The following TSPAN9 variants were observed in gnomAD, a reference collection of about 807,000 sequenced individuals.
TSPAN9 encodes the protein tetraspanin 9, also known as tetraspanin-9.
Under a neutral mutation model 31.0 loss-of-function variants are expected in TSPAN9, and 16 were observed. That is an observed-to-expected ratio of 0.52 (90% CI 0.35 to 0.78). TSPAN9 has a LOEUF of 0.78. Among genes scored for constraint, TSPAN9 ranks in the 30% least tolerant of loss-of-function variants. The pLI is 0.01. For missense variants in TSPAN9, 272 were observed against 312.5 expected, an observed-to-expected ratio of 0.87 and a Z score of 0.98; for synonymous variants, 145 against 121.6, an observed-to-expected ratio of 1.19 and a Z score of -1.27.
At chr12:3,274,301 C>T (rs1418689463) in intron 3 of TSPAN9, among the ~76,000 whole-genome samples, 4 of 152,308 alleles carry the variant, frequency 2.6e-5, no homozygotes, top group East Asian at 3.9e-4. Context: ...GCTAAGACTG[C>T]GCCAGAGGGA....
rs996417858 is a variant in TSPAN9, at chr12:3,078,844, A to G, written c.-85+1391A>G. On this transcript the variant is annotated intron_variant, in intron 1 of 8. Transcript: ENST00000011898. ...TATTCTGGCAGAGCTTTTTAAACCT[A>G]TGAACAGATATTTAATATTAATAAC... 2.0e-4 allele frequency among the ~76,000 whole-genome samples: 30 copies of G among 151,942 alleles called. 1 individual carries two copies. Among genetic ancestry groups the G allele is most frequent in the Admixed American group, 1.3e-4 (2 of 15,230 alleles).
intron 2 of TSPAN9, among the ~76,000 whole-genome samples, chr12:3,134,284 G>C (rs28375006): frequency 0.2 from 30,277 of 152,162 alleles, 3,272 homozygotes; most frequent in African/African-American, 0.28. Flanking sequence ...TCTCCTCTCC[G>C]AAGATGAGAG....
rs146011102 is a variant in TSPAN9 at position 3,281,778 on chromosome 12, C to T, written c.609C>T (p.His203=). Residue 203 remains histidine, a synonymous_variant, in exon 8 of 9, where the codon CAC becomes CAT. Transcript: ENST00000011898. The stretch of plus-strand genomic sequence containing the variant: ...AGATGTGGTTCGATGACAATAAGCA[C>T]GTGCTGGGCACGGTGGGGATGTGCA... ...KVKMWFDDNK[H]VLGTVGMCIL... 1.4e-4 allele frequency: 219 copies of T among 1,614,044 alleles called. No homozygotes were observed. In the African/African-American group the frequency reaches 1.5e-3, roughly 11 times the overall value.
In TSPAN9 at chr12:3,226,736, GTGTGTGTGTATATATATATA is replaced by G. The variant is rs1565622376; in HGVS notation, c.63+25482_63+25501del. On this transcript the variant is annotated intron_variant, in intron 3 of 8. Transcript: ENST00000011898. Reference sequence around the variant, plus strand: ...TGTATGTATGTGTGTGTGTGTGTGTGTGTGTGTGTATATATATATATATATATATATATATATATATATAT... The same window carrying G: ...TGTATGTATGTGTGTGTGTGTGTGTGTATATATATATATATATATATATAT... Among the ~76,000 whole-genome samples, 8 of 11,088 alleles carry G rather than the reference GTGTGTGTGTATATATATATA, an allele frequency of 7.2e-4. 1 individual carries two copies. In the East Asian group the frequency reaches 0.012, roughly 16 times the overall value. The allele number at this position is 11,088 out of a possible 152,430, so 7.3% of individuals were successfully genotyped here.
Position 3,209,983 on chromosome 12 carries a change from AAAATT to A in TSPAN9, c.63+8729_63+8733del, listed in dbSNP as rs1361777563. Among the ~76,000 whole-genome samples, 374 of 95,044 alleles carry A rather than the reference AAAATT, an allele frequency of 3.9e-3. 61 individuals carry two copies. The East Asian group carries it at 0.048, about 12-fold the overall frequency. 62.4% of individuals were successfully genotyped at this position (95,044 alleles called of 152,430 possible). A position where few individuals can be genotyped will look rare whatever the true frequency, so the allele number is the denominator to read the frequency against. ...CAAAAAAAAAAAAAAAAAAAAAAAA[AAAATT>A]AGCCGGGTGTGGTGGCGGGTGCCTG... is the stretch of plus-strand genomic sequence containing the variant. On this transcript the variant is annotated intron_variant, in intron 3 of 8. Transcript: ENST00000011898.
chr12:3,213,040 A>G (rs2098379551), intron 3 of TSPAN9, among the ~76,000 whole-genome samples: 1 of 152,152 alleles, frequency 6.6e-6, no homozygotes. Context: ...GGCTAATGCA[A>G]AGGGTGTCAA....
chr12:3,240,504 G>A (rs7306233), intron 3 of TSPAN9, among the ~76,000 whole-genome samples: 1 of 152,326 alleles, frequency 6.6e-6, no homozygotes. Flanking sequence ...GCTCAGAAGG[G>A]TCTGGTGACG....
intron 3 of TSPAN9, 148 bp downstream of exon 3, chr12:3,201,404 C>T (rs1013534707): frequency 1.9e-5 from 13 of 678,868 alleles, no homozygotes; most frequent in Non-Finnish European, 2.5e-5. Flanking sequence ...GCCCCCGCCC[C>T]CCTTTCATGC....
chr12:3,190,967 G>A (rs1001508332), intron 2 of TSPAN9, among the ~76,000 whole-genome samples: 3 of 152,206 alleles, frequency 2.0e-5, no homozygotes, highest in Non-Finnish European at 2.9e-5. Context: ...GAAGGTCAGG[G>A]AACAGGTGGC....
chr12:3,192,372 C>T lies in TSPAN9; in HGVS notation c.-17-8805C>T, dbSNP rs1016998796. Among the ~76,000 whole-genome samples, 11 of 152,012 alleles carry T rather than the reference C, an allele frequency of 7.2e-5. No individual in the cohort carries two copies. Among genetic ancestry groups the T allele is most frequent in the African/African-American group, 1.2e-4 (5 of 41,456 alleles). ...GCAGGGGCTGCCGCAGGACCCCAGGCGAGCCATGAAGCAGGGCTGGACAAG... is the reference window on the plus strand; with the variant it reads ...GCAGGGGCTGCCGCAGGACCCCAGGTGAGCCATGAAGCAGGGCTGGACAAG... On this transcript the variant is annotated intron_variant, in intron 2 of 8. Coordinates refer to ENST00000011898, the MANE Select transcript of TSPAN9 (RefSeq NM_006675.5). The surrounding 1 kb of genome is among the most constrained non-coding windows in gnomAD (Gnocchi z 4.6).
chr12:3,146,691 C>CT (rs760434113), intron 2 of TSPAN9, among the ~76,000 whole-genome samples: 23 of 152,322 alleles, frequency 1.5e-4, no homozygotes, highest in Non-Finnish European at 2.6e-4. Context: ...TCTCCACCTG[C>CT]TTTGTGTCTA....
chr12:3,150,592 A>G (rs2098339271), intron 2 of TSPAN9, among the ~76,000 whole-genome samples: 1 of 152,314 alleles, frequency 6.6e-6, no homozygotes, highest in Non-Finnish European at 1.5e-5. Context: ...TAGGTGCTCA[A>G]TGAATGCCAG....
intron 3 of TSPAN9, among the ~76,000 whole-genome samples, chr12:3,238,350 C>T (rs1313046982): frequency 2.0e-5 from 3 of 152,206 alleles, no homozygotes; most frequent in Non-Finnish European, 4.4e-5. Flanking sequence ...AAAGTCTTCT[C>T]CTGCCCCACC....
At chr12:3,214,683 G>A (rs78611192) in intron 3 of TSPAN9, among the ~76,000 whole-genome samples, 1,626 of 152,136 alleles carry the variant, frequency 0.011, 34 homozygotes, top group African/African-American at 0.036. Flanking sequence ...CCCCTGCAGG[G>A]GAGGGCCTTC....
In TSPAN9 at chr12:3,279,001, G is replaced by A. The variant is rs368135505; in HGVS notation, c.265G>A (p.Val89Ile). 6.3e-5 allele frequency: 102 copies of A among 1,613,880 alleles called. No homozygotes were observed. In the Admixed American group the frequency reaches 7.0e-4, roughly 11 times the overall value. ...NKCLLLSFFI[V>I]LLVILLAELI... Reference sequence around the variant, plus strand: ...GCCCTTTCCTTTCCAGTTTTTCATCGTCCTGTTGGTCATCCTCCTAGCAGA... The same window carrying A: ...GCCCTTTCCTTTCCAGTTTTTCATCATCCTGTTGGTCATCCTCCTAGCAGA... The change falls in exon 5 of 9, where the codon GTC (valine) becomes ATC (isoleucine). Residue 89 changes from valine to isoleucine, a missense_variant. Physicochemically the swap from Val to Ile is conservative, Grantham distance 29 (BLOSUM62 3). Transcript: ENST00000011898.
In TSPAN9 at chr12:3,136,409, T is replaced by C. The variant is rs112450269; in HGVS notation, c.-18+52690T>C. 9.3e-4 allele frequency among the ~76,000 whole-genome samples: 142 copies of C among 152,296 alleles called. 3 individuals carry two copies. The highest frequency in any genetic ancestry group is 3.3e-3 in the African/African-American group (138 of 41,570). On this transcript the variant is annotated intron_variant, in intron 2 of 8. Transcript: ENST00000011898. ...ACAGTTCACGTGGCTCTTCCTCAAA[T>C]GCCTTGTCTCATTGATCTCCCCCAC...
At chr12:3,184,479 A>G (rs1221238559) in intron 2 of TSPAN9, among the ~76,000 whole-genome samples, 9 of 152,166 alleles carry the variant, frequency 5.9e-5, no homozygotes, top group African/African-American at 1.2e-4. Context: ...AAAGAGTCCA[A>G]GGAATGTCCC....
chr12:3,112,589 T>G (rs1405577330), intron 2 of TSPAN9, among the ~76,000 whole-genome samples: 1 of 144,734 alleles, frequency 6.9e-6, no homozygotes, highest in Non-Finnish European at 1.5e-5. Flanking sequence ...TTATTTCTCT[T>G]TTTATTTAAA....
intron 3 of TSPAN9, among the ~76,000 whole-genome samples, chr12:3,202,659 C>T (rs896546739): frequency 3.3e-5 from 5 of 152,160 alleles, no homozygotes; most frequent in African/African-American, 1.2e-4. Flanking sequence ...GGCAGGCATC[C>T]TCATCTTCTC....
Sources: gnomAD v4.1 joint callset for allele counts (sites outside exome capture counted in the v4.1 genomes callset) on GRCh38, gnomAD v4.1.1 for gene constraint, Gnocchi (gnomAD v3.1) non-coding constraint, MANE v1.5 for transcripts, NCBI Gene and HGNC (gene_info 2026-07-23, HGNC 2026-07-21) for gene names.